Variants in FGF12 observed in about 807,000 individuals in gnomAD.
The protein encoded by FGF12 is fibroblast growth factor 12B.
In FGF12, 14 loss-of-function variants were observed where a neutral mutation model predicts 23.6. The ratio of observed to expected loss-of-function variants is 0.59; its 90% confidence interval spans 0.39 to 0.93. FGF12 has a LOEUF of 0.93. FGF12 is among the 40% of genes least tolerant of loss of function. FGF12 has a pLI of 0.00. For missense variants in FGF12, 175 were observed against 217.8 expected (o/e 0.80, Z 1.24); for synonymous variants, 62 against 77.3 (o/e 0.80, Z 1.04).
At chr3:192,475,240 C>T (rs889452151) in intron 2 of FGF12, among the ~76,000 whole-genome samples, 2 of 152,156 alleles carry the variant, frequency 1.3e-5, no homozygotes, top group African/African-American at 4.8e-5. Context: ...CTTGAAAGCA[C>T]GCCAGGTAAC....
chr3:192,398,272 A>T (rs1182244578), intron 2 of FGF12, among the ~76,000 whole-genome samples: 3 of 152,204 alleles, frequency 2.0e-5, no homozygotes, highest in Non-Finnish European at 4.4e-5. Context: ...TTCAAGTAAG[A>T]AGCAGGGAAA....
At chr3:192,697,239 C>T (rs768852317) in intron 2 of FGF12, among the ~76,000 whole-genome samples, 1 of 152,284 alleles carries the variant, frequency 6.6e-6, no homozygotes, top group East Asian at 1.9e-4. Flanking sequence ...ACACAGCTCT[C>T]TTAAATGAAA....
At chr3:192,635,839 C>CATCAAG (rs1715560989) in intron 2 of FGF12, among the ~76,000 whole-genome samples, 2 of 152,068 alleles carry the variant, frequency 1.3e-5, no homozygotes, top group African/African-American at 2.4e-5. Flanking sequence ...AGAACTGATT[C>CATCAAG]TCTTTTAATT....
intron 2 of FGF12, among the ~76,000 whole-genome samples, chr3:192,691,958 G>T (rs1299431682): frequency 1.3e-5 from 2 of 152,044 alleles, no homozygotes; most frequent in African/African-American, 4.8e-5. Context: ...TTCTAAGATT[G>T]AATCACAAAG....
intron 4 of FGF12, among the ~76,000 whole-genome samples, chr3:192,247,154 C>T (rs1182903140): frequency 1.3e-5 from 2 of 151,974 alleles, no homozygotes; most frequent in African/African-American, 4.8e-5. Flanking sequence ...GGAAAGGAGA[C>T]TGGTGATGTG....
At chr3:192,639,754 A>G (rs1255912857) in intron 2 of FGF12, among the ~76,000 whole-genome samples, 1 of 152,212 alleles carries the variant, frequency 6.6e-6, no homozygotes, top group African/African-American at 2.4e-5. Flanking sequence ...TTTACATTGT[A>G]TTAGATATTA....
At chr3:192,484,315 TAAAAAAA>T (rs57914760) in intron 2 of FGF12, among the ~76,000 whole-genome samples, 1 of 99,668 alleles carries the variant, frequency 1.0e-5, no homozygotes, top group Non-Finnish European at 2.3e-5. Flanking sequence ...TCCATTTTCC[TAAAAAAA>T]AAAAAAAAAA....
intron 2 of FGF12, among the ~76,000 whole-genome samples, chr3:192,424,980 A>G (rs1246124015): frequency 6.6e-6 from 1 of 152,162 alleles, no homozygotes; most frequent in Admixed American, 6.5e-5. Context: ...GCATACACAT[A>G]TTTGTTGTTT....
At chr3:192,321,917 A>T (rs1202831248) in intron 4 of FGF12, among the ~76,000 whole-genome samples, 1 of 152,170 alleles carries the variant, frequency 6.6e-6, no homozygotes, top group Non-Finnish European at 1.5e-5. Context: ...CAAGACAAGG[A>T]TGCCCACTTT....
At chr3:192,359,145 C>A (rs1202383579) in intron 3 of FGF12, among the ~76,000 whole-genome samples, 2 of 152,136 alleles carry the variant, frequency 1.3e-5, no homozygotes, top group Non-Finnish European at 2.9e-5. Context: ...AAACCAAAAT[C>A]AGCCAATCAA....
chr3:192,266,519 C>A (rs942855814), intron 4 of FGF12, among the ~76,000 whole-genome samples: 2 of 152,008 alleles, frequency 1.3e-5, no homozygotes, highest in African/African-American at 4.8e-5. Context: ...ATTAGACTGT[C>A]TAATTTATAT....
In FGF12 at chr3:192,684,874, G is replaced by C. The variant is rs577530806; in HGVS notation, c.13+42307C>G. ...TCTATAATAATATTAACCCAGGGCA[G>C]ATAGTAATAAACACAACGTGGATGA... On this transcript the variant is annotated intron_variant, in intron 2 of 5. Coordinates refer to ENST00000445105, the MANE Select transcript of FGF12 (RefSeq NM_004113.6). 5.4e-4 allele frequency among the ~76,000 whole-genome samples: 82 copies of C among 152,234 alleles called. 4 individuals carry two copies. The South Asian group carries it at 0.014, about 26-fold the overall frequency.
chr3:192,680,115 CA>C (rs1717466090), intron 2 of FGF12, among the ~76,000 whole-genome samples: 2 of 151,958 alleles, frequency 1.3e-5, no homozygotes, highest in Admixed American at 1.3e-4. Flanking sequence ...GTGAAGAAAG[CA>C]GTTTGTAAAA....
chr3:192,236,652 T>C (rs559524782), intron 4 of FGF12, among the ~76,000 whole-genome samples: 13 of 152,298 alleles, frequency 8.5e-5, no homozygotes, highest in African/African-American at 3.1e-4. Context: ...GTCTGTTTTA[T>C]CTGAAATAAT....
chr3:192,493,324 A>T (rs1723854636), intron 2 of FGF12, among the ~76,000 whole-genome samples: 1 of 152,184 alleles, frequency 6.6e-6, no homozygotes, highest in Non-Finnish European at 1.5e-5. Flanking sequence ...CATTAGGAGC[A>T]CAGTTAGCTG....
chr3:192,680,338 A>G (rs372622828), intron 2 of FGF12, among the ~76,000 whole-genome samples: 9 of 152,354 alleles, frequency 5.9e-5, no homozygotes, highest in East Asian at 3.9e-4. Flanking sequence ...CAAAGGGCAC[A>G]AGGGACTATG....
At chr3:192,333,931 A>G (rs548678953) in intron 4 of FGF12, among the ~76,000 whole-genome samples, 24 of 152,188 alleles carry the variant, frequency 1.6e-4, no homozygotes, top group African/African-American at 5.8e-4. Flanking sequence ...GCGACAGCAA[A>G]TGATTTTGGG....
intron 2 of FGF12, among the ~76,000 whole-genome samples, chr3:192,693,462 G>A (rs974589809): frequency 6.6e-6 from 1 of 152,010 alleles, no homozygotes; most frequent in African/African-American, 2.4e-5. Flanking sequence ...AGCCAAAGCA[G>A]TCCTGTAAAA....
rs79176051 is a variant in FGF12 at position 192,170,665 on chromosome 3, A to G, written c.229-9T>C. 0.1 allele frequency: 72,513 copies of G among 699,308 alleles called. 899 individuals are homozygous for G. The highest frequency in any genetic ancestry group is 0.18 in the South Asian group (4,485 of 24,784). 43.3% of individuals were successfully genotyped at this position (699,308 alleles called of 1,614,324 possible). On this transcript the variant is annotated splice_polypyrimidine_tract_variant and intron_variant, in intron 4 of 5. Coordinates refer to ENST00000445105, the MANE Select transcript of FGF12 (RefSeq NM_004113.6). Reference sequence around the variant, plus strand: ...TCTGGAGTGAAAACATCCTGTAGGAAAAAAAAAAAAAGACACAAAAAAGAG... The same window carrying G: ...TCTGGAGTGAAAACATCCTGTAGGAGAAAAAAAAAAAGACACAAAAAAGAG...
Sources: allele counts gnomAD v4.1 joint callset (sites outside exome capture counted in the v4.1 genomes callset), GRCh38; gene constraint gnomAD v4.1.1; transcripts MANE v1.5; gene names NCBI Gene and HGNC (gene_info 2026-07-23, HGNC 2026-07-21).